Variants in ALDH16A1 observed in about 807,000 individuals in gnomAD.
ALDH16A1 encodes aldehyde dehydrogenase family 16 member A1.
A neutral mutation model predicts 96.1 loss-of-function variants in ALDH16A1; 88 were observed. That is an observed-to-expected ratio of 0.92 (90% CI 0.77 to 1.09). ALDH16A1 has a LOEUF of 1.09. Among genes scored for constraint, ALDH16A1 ranks in the 50% least tolerant of loss-of-function variants. The pLI is 0.00. For synonymous variants in ALDH16A1, 522 were observed against 496.4 expected (o/e 1.05, Z -0.69); for missense variants, 1,250 against 1,112.6 (o/e 1.12, Z -1.76).
intron 1 of ALDH16A1, 152 bp downstream of exon 1, chr19:49,453,573 G>A: frequency 4.3e-6 from 3 of 695,686 alleles, no homozygotes; most frequent in Admixed American, 2.9e-5. Flanking sequence ...ATCGCGCCCT[G>A]TAGGACGCTC....
rs575558841 is a variant in ALDH16A1, at chr19:49,466,234, G to A, written c.1889G>A (p.Arg630Gln). 1.7e-5 allele frequency: 25 copies of A among 1,495,536 alleles called. No individual in the cohort carries two copies. Among genetic ancestry groups the A allele is most frequent in the Admixed American group, 1.4e-4 (6 of 41,826 alleles). The allele number at this position is 1,495,536 out of a possible 1,614,324, so 92.6% of individuals were successfully genotyped here. A position where few individuals can be genotyped will look rare whatever the true frequency, so the allele number is the denominator to read the frequency against. The change falls in exon 14 of 17, where the codon CGA (arginine) becomes CAA (glutamine). Residue 630 changes from arginine (R) to glutamine (Q), a missense_variant. Transcript: ENST00000293350. ...GCGGAGGTGGAGCTGAGCGCAAGAC[G>A]ACTTCGGGCGTGGGGGGCCCGGGTG... ...AEAEVELSAR[R>Q]LRAWGARVQA...
chr19:49,464,852 G>A, intron 12 of ALDH16A1, 90 bp downstream of exon 12: 1 of 1,577,660 alleles, frequency 6.3e-7, no homozygotes, highest in Non-Finnish European at 8.6e-7. Flanking sequence ...GCTGGCGCGA[G>A]GTCCATCCAA....
chr19:49,455,353 T>C (rs1056769939), intron 1 of ALDH16A1, among the ~76,000 whole-genome samples: 16 of 149,868 alleles, frequency 1.1e-4, no homozygotes, highest in Non-Finnish European at 2.1e-4. Flanking sequence ...GAGGTGGAGA[T>C]TGCAGTGAGC....
rs555667637 is a variant in ALDH16A1 at position 49,466,125 on chromosome 19, G to T, written c.1780G>T (p.Ala594Ser). 1.3e-6 allele frequency: 2 copies of T among 1,554,144 alleles called. No individual in the cohort carries two copies. The highest frequency in any genetic ancestry group is 1.9e-5 in the Admixed American group (1 of 51,426). Residue 594 changes from alanine to serine, a missense_variant, in exon 14 of 17, where the codon GCC becomes TCC. Ala to Ser is a moderately conservative substitution (Grantham distance 99). Transcript: ENST00000293350. ...SPGARAALLW[A>S]LAAALERRKS... ...AGGAGCCCGGGCAGCCCTGCTGTGGGCCCTGGCGGCTGCACTGGAGCGCCG... is the reference window on the plus strand; with the variant it reads ...AGGAGCCCGGGCAGCCCTGCTGTGGTCCCTGGCGGCTGCACTGGAGCGCCG...
At chr19:49,465,652 C>G in intron 12 of ALDH16A1, 86 bp from the exon 13 acceptor site, 1 of 1,472,652 alleles carries the variant, frequency 6.8e-7, no homozygotes. Context: ...TCACGGGAGC[C>G]AAGGCAGTCT....
At chr19:49,458,323 T>A (rs764964468) in intron 1 of ALDH16A1, among the ~76,000 whole-genome samples, 163 bp from the exon 2 acceptor site, 2 of 152,124 alleles carry the variant, frequency 1.3e-5, no homozygotes, top group Non-Finnish European at 2.9e-5. Flanking sequence ...CACTTTGAAA[T>A]GCTCTATTTT....
Position 49,468,898 on chromosome 19 carries a change from A to AC in ALDH16A1, c.2160dup (p.Val721ArgfsTer118), listed in dbSNP as rs776181428. On this transcript the variant is annotated frameshift_variant, in exon 16 of 17. Coordinates refer to ENST00000293350, the MANE Select transcript of ALDH16A1 (RefSeq NM_153329.4). LOFTEE classifies it high-confidence loss of function. This position sits in a 1 kb window ranked among gnomAD's most constrained non-coding sequence, Gnocchi z 4.4. Reference sequence around the variant, plus strand: ...ACCGTGTTCCCAGCAGGCCTGGCCAACGTGGTGACAGGAGACCGGGACCAT... The same window carrying AC: ...ACCGTGTTCCCAGCAGGCCTGGCCAACCGTGGTGACAGGAGACCGGGACCAT... 4 of 1,613,930 alleles carry AC rather than the reference A, an allele frequency of 2.5e-6. No homozygotes were observed. The East Asian group carries it at 8.9e-5, about 36-fold the overall frequency.
chr19:49,453,379 G>T lies in ALDH16A1; in HGVS notation c.48G>T (p.Ser16=). The change falls in exon 1 of 17, where the codon TCG becomes TCT. Residue 16 remains serine, a synonymous_variant. Transcript: ENST00000293350. ...AGPRAREIFT[S]LEYGPVPESH... is the part of the protein sequence containing the mutation. ...CCCGCGCCCGCGAGATCTTCACCTC[G>T]CTGGAGTACGGACCGGTGCCGGAGA... 1 of 1,568,802 alleles carries T rather than the reference G, an allele frequency of 6.4e-7. No individual in the cohort carries two copies. The highest frequency in any genetic ancestry group is 1.8e-5 in the Admixed American group (1 of 54,740).
intron 1 of ALDH16A1, 145 bp downstream of exon 1, chr19:49,453,566 G>A: frequency 1.3e-6 from 1 of 750,402 alleles, no homozygotes; most frequent in Non-Finnish European, 2.1e-6. Context: ...CAATAGGATC[G>A]CGCCCTGTAG....
intron 4 of ALDH16A1, 41 bp from the exon 5 acceptor site, chr19:49,460,781 C>G (rs1407692489): frequency 6.4e-7 from 1 of 1,563,420 alleles, no homozygotes; most frequent in African/African-American, 1.4e-5. Context: ...ACTTAAACAC[C>G]TAGCCTCAAG....
chr19:49,461,284 G>A (rs201826355), intron 5 of ALDH16A1, among the ~76,000 whole-genome samples: 425 of 13,788 alleles, frequency 0.031, no homozygotes, highest in Middle Eastern at 0.083. Context: ...AGGGAGGAGG[G>A]GCTGGGACCT....
Position 49,459,571 on chromosome 19 carries a change from G to A in ALDH16A1, c.321-99G>A. On this transcript the variant is annotated intron_variant, in intron 3 of 16. Transcript: ENST00000293350. This position sits in a 1 kb window ranked among gnomAD's most constrained non-coding sequence, Gnocchi z 4.1. ...CAGGTAAATGGTGGGGATGCCTCAG[G>A]GGCTCATGGGGATTGTAGTCCAGGT... 7 of 1,379,778 alleles carry A rather than the reference G, an allele frequency of 5.1e-6. No homozygotes were observed. Among genetic ancestry groups the A allele is most frequent in the Non-Finnish European group, 6.8e-6 (7 of 1,032,164 alleles). The allele number at this position is 1,379,778 out of a possible 1,614,324, so 85.5% of individuals were successfully genotyped here.
intron 11 of ALDH16A1, 43 bp downstream of exon 11, chr19:49,464,565 A>G: frequency 6.2e-7 from 1 of 1,608,188 alleles, no homozygotes; most frequent in Non-Finnish European, 8.5e-7. Context: ...CCGCCGCCCC[A>G]TGCCCTTGAC....
At chr19:49,466,636 G>C (rs1161438844) in intron 14 of ALDH16A1, among the ~76,000 whole-genome samples, 1 of 152,252 alleles carries the variant, frequency 6.6e-6, no homozygotes, top group East Asian at 1.9e-4. Flanking sequence ...TGAGGCAGGC[G>C]GATCACGAGG....
At position 49,462,734 on chromosome 19, in the gene ALDH16A1, G is replaced by A. The variant is rs1299337361; in HGVS notation, c.1077G>A (p.Glu359=). Residue 359 remains glutamate (E), a synonymous_variant, in exon 8 of 17, where the codon GAG becomes GAA. Coordinates refer to ENST00000293350, the MANE Select transcript of ALDH16A1 (RefSeq NM_153329.4). Reference sequence around the variant, plus strand: ...ACCTGGTCCAGCGCTTTGTGCGTGAGGCCCAGAGCCAGGGTGCACAGGTGA... The same window carrying A: ...ACCTGGTCCAGCGCTTTGTGCGTGAAGCCCAGAGCCAGGGTGCACAGGTGA... ...ACDLVQRFVR[E]AQSQGAQVFQ... 3 of 1,598,630 alleles carry A rather than the reference G, an allele frequency of 1.9e-6. No individual in the cohort carries two copies.
rs2079152060 is a variant in ALDH16A1 at position 49,461,904 on chromosome 19, G to A, written c.780G>A (p.Arg260=). ...CCTAGGAAGGGCGTGCCCTTCGACG[G>A]AGCCTGGCGGGAGAGTGTGCGGAGC... ...GAPEEGRALR[R]SLAGECAELG... is the part of the protein sequence containing the mutation. Residue 260 remains arginine, a synonymous_variant, in exon 7 of 17, where the codon CGG becomes CGA. Transcript: ENST00000293350. 1 of 1,582,834 alleles carries A rather than the reference G, an allele frequency of 6.3e-7. No homozygotes were observed. Among genetic ancestry groups the A allele is most frequent in the Non-Finnish European group, 8.6e-7 (1 of 1,165,112 alleles).
intron 16 of ALDH16A1, 148 bp downstream of exon 16, chr19:49,469,134 G>A (rs746744617): frequency 3.2e-5 from 38 of 1,200,560 alleles, no homozygotes; most frequent in African/African-American, 4.6e-5. Flanking sequence ...CCGCCCTTAG[G>A]ACTCAAGTTA....
intron 1 of ALDH16A1, among the ~76,000 whole-genome samples, chr19:49,454,524 C>T (rs1436021106): frequency 6.6e-6 from 1 of 151,970 alleles, no homozygotes; most frequent in Non-Finnish European, 1.5e-5. Flanking sequence ...CCCCCAGAAC[C>T]CTCGTGGGGT....
At chr19:49,464,549 G>GC (rs760383838) in intron 11 of ALDH16A1, 27 bp downstream of exon 11, 11 of 1,612,520 alleles carry the variant, frequency 6.8e-6, no homozygotes, top group East Asian at 4.5e-5. Flanking sequence ...CCCGTCACCA[G>GC]CCCCCCCGCC....
Sources: allele counts gnomAD v4.1 joint callset (sites outside exome capture counted in the v4.1 genomes callset), GRCh38; gene constraint gnomAD v4.1.1; non-coding constraint Gnocchi (gnomAD v3.1); transcripts MANE v1.5; gene names NCBI Gene and HGNC (gene_info 2026-07-23, HGNC 2026-07-21).